TMEM131: variants seen among roughly 807,000 people sequenced by gnomAD.
TMEM131 encodes transmembrane protein 131.
TMEM131 carries 66 observed loss-of-function variants against 211.6 expected under a neutral mutation model. That is an observed-to-expected ratio of 0.31 (90% CI 0.26 to 0.38). The LOEUF is 0.38. Among genes scored for constraint, TMEM131 ranks in the 10% least tolerant of loss-of-function variants. The pLI is 1.00. For synonymous variants in TMEM131, 844 were observed against 841.3 expected (o/e 1.00, Z -0.06); for missense variants, 2,036 against 2,299.3 (o/e 0.89, Z 2.34).
intron 18 of TMEM131, 52 bp from the exon 19 acceptor site, chr2:97,809,826 C>G (rs920339159): frequency 6.4e-6 from 9 of 1,399,302 alleles, no homozygotes; most frequent in Non-Finnish European, 8.9e-6. Flanking sequence ...TTAGCCTGAT[C>G]TTGATAACTA....
rs187590492 is a variant in TMEM131, at chr2:97,837,220, T to C, written c.724-63A>G. 39 of 1,205,734 alleles carry C rather than the reference T, an allele frequency of 3.2e-5. No homozygotes were observed. The African/African-American group carries it at 4.8e-4, about 15-fold the overall frequency. The allele number at this position is 1,205,734 out of a possible 1,614,324, so 74.7% of individuals were successfully genotyped here. A position where few individuals can be genotyped will look rare whatever the true frequency, so the allele number is the denominator to read the frequency against. ...CATATTCTCAAAGCAGGTGACTTGCTATTACACAGAAATAATTCTGACATC... is the reference window on the plus strand; with the variant it reads ...CATATTCTCAAAGCAGGTGACTTGCCATTACACAGAAATAATTCTGACATC... On this transcript the variant is annotated intron_variant, in intron 7 of 40. Coordinates refer to ENST00000186436, the MANE Select transcript of TMEM131 (RefSeq NM_015348.2).
At chr2:97,954,431 C>T (rs1463964444) in intron 1 of TMEM131, among the ~76,000 whole-genome samples, 1 of 152,116 alleles carries the variant, frequency 6.6e-6, no homozygotes, top group Admixed American at 6.5e-5. Context: ...CCTCAAAAAC[C>T]ACAAACTACC....
intron 1 of TMEM131, among the ~76,000 whole-genome samples, chr2:97,933,846 C>T (rs1485146716): frequency 5.9e-5 from 9 of 152,116 alleles, no homozygotes; most frequent in Admixed American, 2.0e-4. Flanking sequence ...CAAAACCGAA[C>T]ACCTCTTCAT....
intron 1 of TMEM131, among the ~76,000 whole-genome samples, chr2:97,982,057 G>A (rs1027814001): frequency 2.0e-5 from 3 of 152,152 alleles, no homozygotes; most frequent in African/African-American, 4.8e-5. Flanking sequence ...ATACTAAGGA[G>A]CATAACTGTG....
chr2:97,787,848 C>A (rs1324683875), intron 31 of TMEM131, among the ~76,000 whole-genome samples: 1 of 152,160 alleles, frequency 6.6e-6, no homozygotes, highest in African/African-American at 2.4e-5. Flanking sequence ...CACCTACGAA[C>A]CTGGTATTGC....
chr2:97,933,820 C>G (rs185902923), intron 1 of TMEM131, among the ~76,000 whole-genome samples: 60 of 152,198 alleles, frequency 3.9e-4, no homozygotes, highest in Middle Eastern at 3.4e-3. Context: ...TCAACTGACA[C>G]AGAAAAAGTA....
chr2:97,923,985 C>T (rs1037168996), intron 2 of TMEM131, among the ~76,000 whole-genome samples: 5 of 151,892 alleles, frequency 3.3e-5, no homozygotes, highest in Non-Finnish European at 7.4e-5. Context: ...GAGGCTGAGG[C>T]AGGAGAATGG....
intron 1 of TMEM131, among the ~76,000 whole-genome samples, chr2:97,955,782 C>T (rs948132605): frequency 5.3e-5 from 8 of 151,852 alleles, no homozygotes; most frequent in East Asian, 1.9e-4. Flanking sequence ...GCAATCACTC[C>T]GGAAAGTGAA....
intron 7 of TMEM131, among the ~76,000 whole-genome samples, chr2:97,838,552 C>A (rs566835341): frequency 4.1e-5 from 6 of 145,944 alleles, no homozygotes; most frequent in Admixed American, 7.4e-5. Flanking sequence ...TCAAGTGATT[C>A]TCCTGCCTCA....
At chr2:97,945,171 A>G (rs1270921923) in intron 1 of TMEM131, among the ~76,000 whole-genome samples, 1 of 152,222 alleles carries the variant, frequency 6.6e-6, no homozygotes. Context: ...AAGCTCACAG[A>G]TGAATCTTGA....
chr2:97,762,529 G>A (rs1245742553), intron 35 of TMEM131: 2 of 239,094 alleles, frequency 8.4e-6, no homozygotes, highest in Non-Finnish European at 1.6e-5. Flanking sequence ...GCTGCCTGGG[G>A]ACCTGGAAAA....
At chr2:97,914,387 T>C (rs1676418426) in intron 2 of TMEM131, among the ~76,000 whole-genome samples, 1 of 152,184 alleles carries the variant, frequency 6.6e-6, no homozygotes, top group Non-Finnish European at 1.5e-5. Flanking sequence ...AGGTCTCAGT[T>C]TTGTATGTCC....
chr2:97,951,876 C>T (rs1678333884), intron 1 of TMEM131, among the ~76,000 whole-genome samples: 1 of 151,972 alleles, frequency 6.6e-6, no homozygotes, highest in East Asian at 1.9e-4. Context: ...TGTTCAATTT[C>T]GGCCAGGCGC....
Position 97,836,713 on chromosome 2 carries a change from A to G in TMEM131, c.804+364T>C, listed in dbSNP as rs549568045. ...CCTTCAAAAACAAAACAAAAACATA[A>G]TGAATGCTTCCTACATTTTTTTAAT... On this transcript the variant is annotated intron_variant, in intron 8 of 40. Transcript: ENST00000186436. 6.1e-4 allele frequency among the ~76,000 whole-genome samples: 93 copies of G among 152,308 alleles called. 1 individual carries two copies. Among genetic ancestry groups the G allele is most frequent in the African/African-American group, 2.2e-3 (91 of 41,566 alleles).
chr2:97,903,569 G>A (rs1675945580), intron 3 of TMEM131, among the ~76,000 whole-genome samples: 1 of 152,186 alleles, frequency 6.6e-6, no homozygotes, highest in Non-Finnish European at 1.5e-5. Context: ...GAGACGCCAA[G>A]TGCTTCCTGA....
chr2:97,860,098 TTATTC>T (rs1674005732), intron 4 of TMEM131, among the ~76,000 whole-genome samples: 1 of 152,200 alleles, frequency 6.6e-6, no homozygotes, highest in African/African-American at 2.4e-5. Flanking sequence ...AAGTGAAACT[TTATTC>T]TATAGTCCAC....
intron 2 of TMEM131, among the ~76,000 whole-genome samples, chr2:97,920,305 G>A (rs1221682441): frequency 6.6e-6 from 1 of 152,082 alleles, no homozygotes; most frequent in Non-Finnish European, 1.5e-5. Context: ...GGGTGGGGGT[G>A]GCAAAGGGGG....
At chr2:97,951,749 C>T (rs1048737703) in intron 1 of TMEM131, among the ~76,000 whole-genome samples, 1 of 152,174 alleles carries the variant, frequency 6.6e-6, no homozygotes, top group Non-Finnish European at 1.5e-5. Context: ...ATGGAAATTA[C>T]TCCAGTCCAG....
intron 1 of TMEM131, among the ~76,000 whole-genome samples, chr2:97,964,036 T>C (rs1013557137): frequency 1.5e-4 from 23 of 152,326 alleles, no homozygotes; most frequent in African/African-American, 5.5e-4. Context: ...AATATTCTAA[T>C]ACTCCAACCG....
Sources: allele counts gnomAD v4.1 joint callset (sites outside exome capture counted in the v4.1 genomes callset), GRCh38; gene constraint gnomAD v4.1.1; transcripts MANE v1.5; gene names NCBI Gene and HGNC (gene_info 2026-07-23, HGNC 2026-07-21).